TRIM66: variants seen among roughly 807,000 people sequenced by gnomAD.
TRIM66 encodes the protein tripartite motif-containing protein 66.
In TRIM66, 99 loss-of-function variants were observed where a neutral mutation model predicts 148.2. That is an observed-to-expected ratio of 0.67 (90% CI 0.57 to 0.79). The LOEUF (loss-of-function observed/expected upper bound fraction) is 0.79, where lower values mean the gene tolerates loss of function less well. Among genes scored for constraint, TRIM66 ranks in the 30% least tolerant of loss-of-function variants. The pLI, the probability that TRIM66 is intolerant of heterozygous loss-of-function variation, is 0.00. For missense variants in TRIM66, 1,666 were observed against 1,697.9 expected, an observed-to-expected ratio of 0.98 and a Z score of 0.33; for synonymous variants, 616 against 635.9, an observed-to-expected ratio of 0.97 and a Z score of 0.47.
intron 6 of TRIM66, among the ~76,000 whole-genome samples, chr11:8,661,730 T>C (rs1213988762): frequency 6.6e-6 from 1 of 152,198 alleles, no homozygotes; most frequent in African/African-American, 2.4e-5. Flanking sequence ...GCTTCATCTA[T>C]GCAGGAGGGA....
At position 8,674,021 on chromosome 11, in the gene TRIM66, C is replaced by A. The variant is rs563407609; in HGVS notation, c.-112+785G>T. On this transcript the variant is annotated intron_variant, in intron 4 of 24. Transcript: ENST00000646038. ...ACCTGCACTTCTAATTCCTTCTGGGCATTATTTAGCAGAAAACAGCCATAG... is the reference window on the plus strand; with the variant it reads ...ACCTGCACTTCTAATTCCTTCTGGGAATTATTTAGCAGAAAACAGCCATAG... Among the ~76,000 whole-genome samples, 3 of 152,310 alleles carry A rather than the reference C, an allele frequency of 2.0e-5. No individual in the cohort carries two copies. The South Asian group carries it at 6.2e-4, about 32-fold the overall frequency.
chr11:8,651,665 GGATGGATGATTAGGAAAACT>G, intron 7 of TRIM66, 115 bp downstream of exon 7: 1 of 777,458 alleles, frequency 1.3e-6, no homozygotes, highest in Non-Finnish European at 2.3e-6. Flanking sequence ...CTAGATGGAT[GGATGGATGATTAGGAAAACT>G]GATGGAGAAG....
chr11:8,621,793 G>T lies in TRIM66; in HGVS notation c.3107C>A (p.Pro1036His). ...IRAFNSEHKI[P>H]YVRLERLKIC... is the part of the protein sequence containing the mutation. Reference sequence around the variant, plus strand: ...CTTGAGTCGCTCCAGTCGCACATAGGGAATCTTATGCTCACTATTGAAGGC... The same window carrying T: ...CTTGAGTCGCTCCAGTCGCACATAGTGAATCTTATGCTCACTATTGAAGGC... The change falls in exon 19 of 25, where the codon CCC becomes CAC. Residue 1036 changes from proline to histidine, a missense_variant. Transcript: ENST00000646038. 1 of 1,549,698 alleles carries T rather than the reference G, an allele frequency of 6.5e-7. No individual in the cohort carries two copies.
chr11:8,650,693 G>A (rs1306512749), intron 7 of TRIM66, among the ~76,000 whole-genome samples: 1 of 152,170 alleles, frequency 6.6e-6, no homozygotes, highest in African/African-American at 2.4e-5. Flanking sequence ...AGGAAGCAAA[G>A]GAAGCCTTCC....
rs2033426352 is a variant in TRIM66 at position 8,612,044 on chromosome 11, TAAAGA to T, written c.*5895_*5899del. The stretch of plus-strand genomic sequence containing the variant: ...AAACACTCCAGGACGCAATTCTTGG[TAAAGA>T]AAAGTGCTGTTTTTTATTTGTTCTT... On this transcript the variant is annotated 3_prime_UTR_variant, in exon 25 of 25. Transcript: ENST00000646038. 1 of 152,162 alleles carries T rather than the reference TAAAGA, an allele frequency of 6.6e-6. No homozygotes were observed. Among genetic ancestry groups the T allele is most frequent in the Admixed American group, 6.5e-5 (1 of 15,282 alleles). The allele number at this position is 152,162 out of a possible 1,614,324, so 9.4% of individuals were successfully genotyped here.
intron 6 of TRIM66, among the ~76,000 whole-genome samples, chr11:8,657,067 A>T (rs1258005844): frequency 2.0e-5 from 3 of 152,198 alleles, no homozygotes; most frequent in Non-Finnish European, 4.4e-5. Context: ...GTGAGGCAGC[A>T]AGGAAGTGGG....
At chr11:8,662,871 G>A (rs2038350779) in intron 6 of TRIM66, among the ~76,000 whole-genome samples, 1 of 152,166 alleles carries the variant, frequency 6.6e-6, no homozygotes, top group African/African-American at 2.4e-5. Context: ...GACAGAGCCA[G>A]CATATGGTAA....
Position 8,632,417 on chromosome 11 carries a change from G to A in TRIM66, c.2310+6237C>T, listed in dbSNP as rs551855694. Among the ~76,000 whole-genome samples the A allele has an allele frequency of 5.9e-5, 9 of 151,546 alleles. No individual in the cohort carries two copies. The South Asian group carries it at 1.7e-3, about 28-fold the overall frequency. ...AACAGAATCAGATGGCTGAGGAAGG[G>A]ACTAACTTTTCTAGTAAGCAGTTTC... On this transcript the variant is annotated intron_variant, in intron 15 of 24. Coordinates refer to ENST00000646038, the MANE Select transcript of TRIM66 (RefSeq NM_001388022.1).
At chr11:8,640,078 G>T in intron 14 of TRIM66, 149 bp downstream of exon 14, 1 of 802,800 alleles carries the variant, frequency 1.2e-6, no homozygotes, top group Non-Finnish European at 1.9e-6. Flanking sequence ...GTTGAGCCCA[G>T]CATAGTTTTG....
intron 6 of TRIM66, among the ~76,000 whole-genome samples, chr11:8,654,966 T>C (rs1254055020): frequency 6.6e-6 from 1 of 152,146 alleles, no homozygotes; most frequent in African/African-American, 2.4e-5. Context: ...GTTCAAGCAA[T>C]TATCCCGCCT....
At chr11:8,649,988 C>A in intron 7 of TRIM66, 101 bp from the exon 8 acceptor site, 1 of 1,374,348 alleles carries the variant, frequency 7.3e-7, no homozygotes. Context: ...AGGCCTATTC[C>A]TCCACCAGTT....
intron 3 of TRIM66, among the ~76,000 whole-genome samples, chr11:8,676,874 TA>T (rs1216744396): frequency 6.6e-6 from 1 of 152,254 alleles, no homozygotes; most frequent in Non-Finnish European, 1.5e-5. Context: ...CGAAGTGCTT[TA>T]CTTAAAAGAA....
intron 15 of TRIM66, among the ~76,000 whole-genome samples, chr11:8,625,522 T>C (rs897916115): frequency 1.4e-5 from 2 of 144,712 alleles, no homozygotes; most frequent in Admixed American, 7.0e-5. Context: ...GGAGAACTTA[T>C]TGCCTGACCT....
chr11:8,645,580 G>T, intron 12 of TRIM66, 161 bp downstream of exon 12: 1 of 839,356 alleles, frequency 1.2e-6, no homozygotes, highest in Non-Finnish European at 1.8e-6. Flanking sequence ...TAACCCAAAA[G>T]CAGTGATTGA....
intron 6 of TRIM66, chr11:8,663,111 T>C (rs1445302165): frequency 3.3e-5 from 5 of 152,236 alleles, no homozygotes; most frequent in Non-Finnish European, 5.9e-5. Context: ...GGCCACTGTA[T>C]TCTCACCACA....
chr11:8,645,838 ATGCTCTGT>A lies in TRIM66; in HGVS notation c.999_1006del (p.Leu333PhefsTer9), dbSNP rs1459855111. ...CTCAAACTGACGGTTGAGAACCATG[ATGCTCTGT>A]AACTGCTGTTCCAGCTTCCGCTTTC... On this transcript the variant is annotated frameshift_variant, in exon 12 of 25. Transcript: ENST00000646038. LOFTEE classifies it high-confidence loss of function. 1 of 1,551,740 alleles carries A rather than the reference ATGCTCTGT, an allele frequency of 6.4e-7. No homozygotes were observed. The highest frequency in any genetic ancestry group is 1.4e-5 in the African/African-American group (1 of 73,170).
chr11:8,657,669 G>T (rs1428000104), intron 6 of TRIM66, among the ~76,000 whole-genome samples: 1 of 151,890 alleles, frequency 6.6e-6, no homozygotes, highest in African/African-American at 2.4e-5. Flanking sequence ...CAACAGTCCT[G>T]CCCTCCCACC....
intron 23 of TRIM66, 144 bp downstream of exon 23, chr11:8,619,239 A>T: frequency 3.0e-6 from 3 of 999,556 alleles, no homozygotes; most frequent in Non-Finnish European, 4.3e-6. Flanking sequence ...GAGAGCTTTT[A>T]AACACTCACC....
chr11:8,622,125 A>G (rs369077382), intron 18 of TRIM66, among the ~76,000 whole-genome samples: 9 of 151,598 alleles, frequency 5.9e-5, no homozygotes, highest in Admixed American at 3.9e-4. Flanking sequence ...CCTCCTGGCT[A>G]TATCTTTCTC....
Sources: allele counts gnomAD v4.1 joint callset (sites outside exome capture counted in the v4.1 genomes callset), GRCh38; gene constraint gnomAD v4.1.1; transcripts MANE v1.5; gene names NCBI Gene and HGNC (gene_info 2026-07-23, HGNC 2026-07-21).